The following CGNL1 variants were observed in gnomAD, a reference collection of about 807,000 sequenced individuals.
The protein encoded by CGNL1 is cingulin like 1, also known as cingulin-like protein 1.
CGNL1 carries 132 observed loss-of-function variants against 141.2 expected under a neutral mutation model. The observed-to-expected ratio is 0.93, with a 90% CI of 0.81 to 1.08. The LOEUF is 1.08. Ranked by LOEUF, CGNL1 falls within the 50% of genes least tolerant of loss-of-function variation. The probability of loss-of-function intolerance (pLI) is 0.00; values close to 1 mark genes in which losing one functional copy is unlikely to be tolerated. For synonymous variants in CGNL1, 690 were observed against 622.1 expected (o/e 1.11, Z -1.63); for missense variants, 1,870 against 1,588.6 (o/e 1.18, Z -3.01).
At chr15:57,403,312 C>T (rs116515797) in intron 1 of CGNL1, among the ~76,000 whole-genome samples, 2,233 of 152,284 alleles carry the variant, frequency 0.015, 66 homozygotes, top group African/African-American at 0.051. Context: ...GGCCAAGACT[C>T]TGCTGCTAAG....
At chr15:57,477,464 T>C (rs1454886542) in intron 8 of CGNL1, 5 of 152,188 alleles carry the variant, frequency 3.3e-5, no homozygotes, top group African/African-American at 4.8e-5. Flanking sequence ...GGCAGTGAGG[T>C]TGTCCGATAG....
rs577074191 is a variant in CGNL1 at position 57,380,612 on chromosome 15, C to T, written c.-16+4045C>T. 3.4e-4 allele frequency among the ~76,000 whole-genome samples: 52 copies of T among 152,144 alleles called. 2 individuals are homozygous for T. The South Asian group carries it at 1.0e-2, about 29-fold the overall frequency. On this transcript the variant is annotated intron_variant, in intron 1 of 18. Coordinates refer to ENST00000281282, the MANE Select transcript of CGNL1 (RefSeq NM_032866.5). ...ACATTAAAGCTTATTCTATTAGGCC[C>T]GTACCCCAAATGACTGATTTTGGAA...
At chr15:57,526,250 C>T (rs2031606874) in intron 12 of CGNL1, among the ~76,000 whole-genome samples, 1 of 152,126 alleles carries the variant, frequency 6.6e-6, no homozygotes, top group Non-Finnish European at 1.5e-5. Flanking sequence ...ACTGATGCAG[C>T]CCTGTGAGAC....
intron 8 of CGNL1, among the ~76,000 whole-genome samples, chr15:57,498,267 G>GTTTTTTT (rs2063972020): frequency 8.4e-5 from 1 of 11,924 alleles, no homozygotes; most frequent in Non-Finnish European, 2.4e-4. Context: ...TTTTTTTTTG[G>GTTTTTTT]AGACCAGGGT....
In CGNL1 at chr15:57,518,498, G is replaced by T. The variant is rs1595789324; in HGVS notation, c.2715+1G>T. The T allele has an allele frequency of 6.2e-7, 1 of 1,600,724 alleles. No homozygotes were observed. Among genetic ancestry groups the T allele is most frequent in the Non-Finnish European group, 8.5e-7 (1 of 1,170,876 alleles). ...GGAGAATGAACTGGAGGCTGCTCAG[G>T]TAAACACCAAGGGCTGTTGTCATTA... On this transcript the variant is annotated splice_donor_variant, in intron 10 of 18. Coordinates refer to ENST00000281282, the MANE Select transcript of CGNL1 (RefSeq NM_032866.5). LOFTEE classifies it high-confidence loss of function.
intron 1 of CGNL1, among the ~76,000 whole-genome samples, chr15:57,394,777 G>C (rs1490793911): frequency 1.3e-5 from 2 of 152,154 alleles, no homozygotes; most frequent in African/African-American, 4.8e-5. Context: ...CTTGCTTCAT[G>C]AACAATATTT....
intron 1 of CGNL1, chr15:57,393,929 CTTTTTTTTTT>C (rs58215581): frequency 7.6e-6 from 1 of 131,606 alleles, no homozygotes; most frequent in East Asian, 2.2e-4. Flanking sequence ...CATGTATTAA[CTTTTTTTTTT>C]TTTTTTTTTA....
chr15:57,450,380 G>A (rs573383254), intron 4 of CGNL1, among the ~76,000 whole-genome samples: 2 of 152,160 alleles, frequency 1.3e-5, no homozygotes, highest in African/African-American at 4.8e-5. Flanking sequence ...GGGTTCAAGC[G>A]ATTCTTCTGC....
chr15:57,518,454 T>G lies in CGNL1; in HGVS notation c.2672T>G (p.Val891Gly). 1 of 1,612,778 alleles carries G rather than the reference T, an allele frequency of 6.2e-7. No individual in the cohort carries two copies. The highest frequency in any genetic ancestry group is 8.5e-7 in the Non-Finnish European group (1 of 1,179,418). Reference sequence around the variant, plus strand: ...GCCAGAAAGGAAGAAAAAGAAGCTGTGTCAGCCAGAAGGGCCCTGGAGAAT... The same window carrying G: ...GCCAGAAAGGAAGAAAAAGAAGCTGGGTCAGCCAGAAGGGCCCTGGAGAAT... ...VHARKEEKEA[V>G]SARRALENEL... The change falls in exon 10 of 19, where the codon GTG becomes GGG. Residue 891 changes from valine to glycine, a missense_variant. Physicochemically the swap from Val to Gly is moderately radical, Grantham distance 109 (BLOSUM62 -3). Transcript: ENST00000281282.
At chr15:57,539,119 G>A (rs2032426837) in intron 14 of CGNL1, among the ~76,000 whole-genome samples, 1 of 152,096 alleles carries the variant, frequency 6.6e-6, no homozygotes, top group Non-Finnish European at 1.5e-5. Flanking sequence ...AGCGATGCCT[G>A]CCTCTGCTCT....
intron 1 of CGNL1, among the ~76,000 whole-genome samples, chr15:57,437,546 C>G (rs2555): frequency 0.045 from 6,313 of 140,534 alleles, 431 homozygotes; most frequent in African/African-American, 0.16. Context: ...ACCTAGTTCT[C>G]AAATGCTGGT....
intron 14 of CGNL1, among the ~76,000 whole-genome samples, chr15:57,539,767 A>T (rs1418257718): frequency 6.6e-6 from 1 of 151,894 alleles, no homozygotes; most frequent in Non-Finnish European, 1.5e-5. Flanking sequence ...GTTGGAGGGG[A>T]TCCCCAGGGC....
intron 1 of CGNL1, among the ~76,000 whole-genome samples, chr15:57,426,202 G>T (rs7167628): frequency 1 from 152,180 of 152,180 alleles, 76,090 homozygotes; most frequent in Non-Finnish European, 1. Flanking sequence ...TGGAGTACAG[G>T]GGCATGATCT....
chr15:57,500,549 C>CTGAA (rs2152388105), intron 8 of CGNL1, among the ~76,000 whole-genome samples: 1 of 152,290 alleles, frequency 6.6e-6, no homozygotes, highest in Admixed American at 6.5e-5. Context: ...TCTCGGGGAA[C>CTGAA]TGAACATTGT....
At chr15:57,484,041 G>A (rs911621539) in intron 8 of CGNL1, among the ~76,000 whole-genome samples, 1 of 151,940 alleles carries the variant, frequency 6.6e-6, no homozygotes, top group Admixed American at 6.6e-5. Context: ...AAATATATTG[G>A]CTTATAGTCC....
chr15:57,386,980 C>T (rs1374777704), intron 1 of CGNL1, among the ~76,000 whole-genome samples: 1 of 152,098 alleles, frequency 6.6e-6, no homozygotes, highest in Non-Finnish European at 1.5e-5. Context: ...AGTGCAGTGG[C>T]ATTAAGTACA....
intron 8 of CGNL1, among the ~76,000 whole-genome samples, chr15:57,492,497 T>C (rs1002975761): frequency 6.6e-6 from 1 of 152,088 alleles, no homozygotes; most frequent in Non-Finnish European, 1.5e-5. Flanking sequence ...CAAAAGCACA[T>C]AGAGTAAAAT....
intron 1 of CGNL1, among the ~76,000 whole-genome samples, chr15:57,401,408 G>A (rs561110610): frequency 7.9e-5 from 12 of 152,214 alleles, no homozygotes; most frequent in East Asian, 5.8e-4. Flanking sequence ...CAAACCGTCC[G>A]TCAGAATTTC....
chr15:57,396,185 A>G (rs73421449), intron 1 of CGNL1, among the ~76,000 whole-genome samples: 3,114 of 152,110 alleles, frequency 0.02, 67 homozygotes, highest in African/African-American at 0.065. Flanking sequence ...ATGTACAAAT[A>G]TGCCTCACTG....
Sources: gnomAD v4.1 joint callset for allele counts (sites outside exome capture counted in the v4.1 genomes callset) on GRCh38, gnomAD v4.1.1 for gene constraint, MANE v1.5 for transcripts, NCBI Gene and HGNC (gene_info 2026-07-23, HGNC 2026-07-21) for gene names.